The following ATP2B4 variants were observed in gnomAD, a reference collection of about 807,000 sequenced individuals.
The protein encoded by ATP2B4 is ATPase plasma membrane Ca2+ transporting 4, also known as plasma membrane calcium-transporting ATPase 4.
In ATP2B4, 39 loss-of-function variants were observed where a neutral mutation model predicts 110.3. The observed-to-expected ratio is 0.35, with a 90% CI of 0.27 to 0.46. The LOEUF is 0.46. Ranked by LOEUF, ATP2B4 falls within the 20% of genes least tolerant of loss-of-function variation. The pLI, the probability that ATP2B4 is intolerant of heterozygous loss-of-function variation, is 1.00. For synonymous variants in ATP2B4, 538 were observed against 571.7 expected, an observed-to-expected ratio of 0.94 and a Z score of 0.84; for missense variants, 1,135 against 1,530.9, an observed-to-expected ratio of 0.74 and a Z score of 4.32.
intron 1 of ATP2B4, among the ~76,000 whole-genome samples, chr1:203,650,304 G>A (rs1315717594): frequency 6.6e-6 from 1 of 152,164 alleles, no homozygotes; most frequent in African/African-American, 2.4e-5. Context: ...CCAGGTGAGG[G>A]GCAGGGTGAG....
At chr1:203,730,165 C>A (rs529172449) in intron 20 of ATP2B4, among the ~76,000 whole-genome samples, 2 of 151,220 alleles carry the variant, frequency 1.3e-5, no homozygotes, top group Non-Finnish European at 2.9e-5. Context: ...ATTTACCCTG[C>A]CCCTCTTTTT....
At chr1:203,638,177 T>G (rs1286886343) in intron 1 of ATP2B4, among the ~76,000 whole-genome samples, 1 of 152,098 alleles carries the variant, frequency 6.6e-6, no homozygotes, top group Non-Finnish European at 1.5e-5. Flanking sequence ...CTGAGGACAC[T>G]CAGAGCATCC....
intron 15 of ATP2B4, among the ~76,000 whole-genome samples, chr1:203,718,060 T>C (rs1666211055): frequency 6.6e-6 from 1 of 152,106 alleles, no homozygotes; most frequent in Non-Finnish European, 1.5e-5. Context: ...GCCTTTTCAG[T>C]GGACAAAGCT....
chr1:203,700,771 C>T (rs1272290058), intron 5 of ATP2B4, 27 bp from the exon 6 acceptor site: 1 of 1,611,290 alleles, frequency 6.2e-7, no homozygotes, highest in South Asian at 1.1e-5. Flanking sequence ...AAACCCATTC[C>T]TTCCCATCTT....
At chr1:203,704,467 C>CTTTTTTTTTTTTTTT (rs35019828) in intron 8 of ATP2B4, among the ~76,000 whole-genome samples, 1 of 68,794 alleles carries the variant, frequency 1.5e-5, no homozygotes, top group African/African-American at 6.9e-5. Context: ...AAGGAACAGT[C>CTTTTTTTTTTTTTTT]TTTTTTTTTT....
chr1:203,680,376 G>A (rs1287608648), intron 1 of ATP2B4, among the ~76,000 whole-genome samples: 3 of 152,078 alleles, frequency 2.0e-5, no homozygotes, highest in Admixed American at 1.3e-4. Context: ...TTGGGAGGCC[G>A]AGGCGTGCGG....
chr1:203,733,485 T>A (rs1297929760), intron 20 of ATP2B4: 3 of 1,330,468 alleles, frequency 2.3e-6, no homozygotes, highest in Admixed American at 5.5e-5. Context: ...ACCATGGTTA[T>A]CTTTTCCTTT....
At chr1:203,642,613 A>G (rs1287916233) in intron 1 of ATP2B4, among the ~76,000 whole-genome samples, 5 of 152,234 alleles carry the variant, frequency 3.3e-5, no homozygotes, top group Non-Finnish European at 7.3e-5. Flanking sequence ...GCTAATTTCC[A>G]CTGGGTTTTC....
chr1:203,695,498 G>A (rs1269676278), intron 2 of ATP2B4, among the ~76,000 whole-genome samples: 2 of 152,142 alleles, frequency 1.3e-5, no homozygotes, highest in African/African-American at 2.4e-5. Flanking sequence ...ACAGCTCTGC[G>A]GGGCTCAGCT....
intron 1 of ATP2B4, among the ~76,000 whole-genome samples, chr1:203,679,516 C>T (rs368720611): frequency 6.6e-6 from 1 of 152,146 alleles, no homozygotes; most frequent in Non-Finnish European, 1.5e-5. Flanking sequence ...TAATCTTATG[C>T]GACCTTTTCC....
chr1:203,714,516 C>T (rs1397731768), intron 15 of ATP2B4, among the ~76,000 whole-genome samples: 2 of 152,142 alleles, frequency 1.3e-5, no homozygotes, highest in Non-Finnish European at 2.9e-5. Context: ...GAAAGCCAGA[C>T]CAACATAAAC....
chr1:203,651,933 C>T (rs113964636), intron 1 of ATP2B4, among the ~76,000 whole-genome samples: 9,521 of 151,266 alleles, frequency 0.063, 532 homozygotes, highest in East Asian at 0.18. Flanking sequence ...GGTGGTGGGA[C>T]GCCTGTAGTC....
rs374995992 is a variant in ATP2B4, at chr1:203,637,417, C to T, written c.-465+10198C>T. 3.4e-5 allele frequency among the ~76,000 whole-genome samples: 4 copies of T among 117,716 alleles called. No individual in the cohort carries two copies. In the East Asian group the frequency reaches 9.5e-4, roughly 28 times the overall value. The allele number at this position is 117,716 out of a possible 152,430, so 77.2% of individuals were successfully genotyped here. ...CACCACTGCACTCCAGCCTGGGTGA[C>T]AGAGCAAGACTCTGTCTCAAAAAAA... On this transcript the variant is annotated intron_variant, in intron 1 of 20. Coordinates refer to ENST00000357681, the MANE Select transcript of ATP2B4 (RefSeq NM_001684.5).
intron 6 of ATP2B4, 123 bp downstream of exon 6, chr1:203,701,046 A>G: frequency 7.7e-7 from 1 of 1,297,374 alleles, no homozygotes; most frequent in South Asian, 1.5e-5. Flanking sequence ...GAAAGCAGAT[A>G]TCCAAACTCC....
At chr1:203,684,524 A>AT (rs1665119188) in intron 2 of ATP2B4, among the ~76,000 whole-genome samples, 2 of 151,838 alleles carry the variant, frequency 1.3e-5, no homozygotes, top group South Asian at 4.2e-4. Flanking sequence ...CGCCCAGCTA[A>AT]TTTTTTGTAT....
chr1:203,697,285 CAT>C (rs142712930), intron 2 of ATP2B4, among the ~76,000 whole-genome samples: 2,649 of 152,322 alleles, frequency 0.017, 30 homozygotes, highest in Non-Finnish European at 0.026. Flanking sequence ...AATTAGGACA[CAT>C]GTGTGGGCTC....
intron 1 of ATP2B4, among the ~76,000 whole-genome samples, chr1:203,664,546 C>T (rs1664444664): frequency 6.6e-6 from 1 of 152,076 alleles, no homozygotes; most frequent in African/African-American, 2.4e-5. Flanking sequence ...AATGAAGGCT[C>T]AGGGAGAATG....
intron 2 of ATP2B4, among the ~76,000 whole-genome samples, chr1:203,688,047 G>A (rs1210397920): frequency 6.7e-6 from 1 of 148,610 alleles, no homozygotes; most frequent in African/African-American, 2.5e-5. Flanking sequence ...ATTTTGGGAT[G>A]GATTCTCACT....
intron 1 of ATP2B4, among the ~76,000 whole-genome samples, chr1:203,676,393 G>A (rs1193529947): frequency 6.6e-6 from 1 of 152,140 alleles, no homozygotes; most frequent in Non-Finnish European, 1.5e-5. Context: ...TCTGGGTCAT[G>A]GAAATAAGGA....
Sources: allele counts gnomAD v4.1 joint callset (sites outside exome capture counted in the v4.1 genomes callset), GRCh38; gene constraint gnomAD v4.1.1; transcripts MANE v1.5; gene names NCBI Gene and HGNC (gene_info 2026-07-23, HGNC 2026-07-21).